RBFOX1: variants seen among roughly 807,000 people sequenced by gnomAD.
RBFOX1 encodes RNA binding protein fox-1 homolog 1.
In RBFOX1, 8 loss-of-function variants were observed where a neutral mutation model predicts 57.7. That is an observed-to-expected ratio of 0.14 (90% CI 0.08 to 0.25). The LOEUF is 0.25. Ranked by LOEUF, RBFOX1 falls within the 10% of genes least tolerant of loss-of-function variation. The pLI, the probability that RBFOX1 is intolerant of heterozygous loss-of-function variation, is 1.00. For missense variants in RBFOX1, 611 were observed against 548.5 expected, an observed-to-expected ratio of 1.11 and a Z score of -1.14; for synonymous variants, 326 against 222.4, an observed-to-expected ratio of 1.47 and a Z score of -4.15.
chr16:6,503,477 A>G (rs1174229724), intron 2 of RBFOX1, among the ~76,000 whole-genome samples: 2 of 152,192 alleles, frequency 1.3e-5, no homozygotes, highest in Non-Finnish European at 2.9e-5. Context: ...GCTCAGCAGG[A>G]CATTTCTTCT....
In RBFOX1 at chr16:6,654,667, C is replaced by G. The variant is rs1351414831; in HGVS notation, c.-16+17C>G. The G allele has an allele frequency of 1.3e-6, 2 of 1,502,194 alleles. No individual in the cohort carries two copies. The highest frequency in any genetic ancestry group is 8.8e-7 in the Non-Finnish European group (1 of 1,133,656). The allele number at this position is 1,502,194 out of a possible 1,614,324, so 93.1% of individuals were successfully genotyped here. ...GACAGAAAGGTGAGTCAATATTTTT[C>G]ATTTTTAGGGTTGCAAACAAAACAA... On this transcript the variant is annotated intron_variant, in intron 3 of 15. Coordinates refer to ENST00000550418, the MANE Select transcript of RBFOX1 (RefSeq NM_018723.4).
At chr16:6,370,111 C>G (rs1356652802) in intron 2 of RBFOX1, among the ~76,000 whole-genome samples, 1 of 152,050 alleles carries the variant, frequency 6.6e-6, no homozygotes, top group African/African-American at 2.4e-5. Flanking sequence ...GTAATCCCAG[C>G]ACTTTGGGAG....
chr16:7,219,451 C>T (rs570092101), intron 4 of RBFOX1, among the ~76,000 whole-genome samples: 13 of 152,288 alleles, frequency 8.5e-5, no homozygotes, highest in African/African-American at 3.1e-4. Flanking sequence ...GAACCGTCGG[C>T]TGCTCCAACC....
At chr16:6,084,201 A>C (rs917367937) in intron 1 of RBFOX1, among the ~76,000 whole-genome samples, 1 of 151,942 alleles carries the variant, frequency 6.6e-6, no homozygotes, top group Admixed American at 6.6e-5. Flanking sequence ...GTGCCCAGAA[A>C]TTTGCAGTAT....
At chr16:5,256,418 G>A (rs972506084) in intron 1 of RBFOX1, among the ~76,000 whole-genome samples, 2 of 152,202 alleles carry the variant, frequency 1.3e-5, no homozygotes, top group African/African-American at 4.8e-5. Context: ...CATGTCCTCT[G>A]TGTGTCTGCA....
At chr16:6,943,888 C>T (rs1004678606) in intron 3 of RBFOX1, among the ~76,000 whole-genome samples, 9 of 152,114 alleles carry the variant, frequency 5.9e-5, no homozygotes, top group African/African-American at 2.2e-4. Context: ...TTCTATACAT[C>T]ACTTCCCTTT....
intron 1 of RBFOX1, among the ~76,000 whole-genome samples, chr16:6,079,780 G>C (rs573273864): frequency 1.3e-5 from 2 of 152,220 alleles, no homozygotes; most frequent in South Asian, 2.1e-4. Flanking sequence ...AGGCTCGTTG[G>C]AGCTGTGATT....
chr16:5,435,308 C>T (rs2067882668), intron 1 of RBFOX1, among the ~76,000 whole-genome samples: 1 of 152,112 alleles, frequency 6.6e-6, no homozygotes, highest in South Asian at 2.1e-4. Context: ...GATCTGTTTC[C>T]CCACCAGACC....
intron 4 of RBFOX1, among the ~76,000 whole-genome samples, chr16:7,262,775 C>T (rs549142839): frequency 6.6e-6 from 1 of 152,366 alleles, no homozygotes; most frequent in African/African-American, 2.4e-5. Context: ...ACTGCAAAGG[C>T]AGTTGTAAGC....
intron 2 of RBFOX1, among the ~76,000 whole-genome samples, chr16:5,532,086 A>G (rs888795452): frequency 2.6e-5 from 4 of 152,308 alleles, no homozygotes; most frequent in Admixed American, 6.5e-5. Context: ...GGCGTGAACC[A>G]CCATGCGTGA....
At chr16:7,390,777 A>G (rs950667463) in intron 4 of RBFOX1, among the ~76,000 whole-genome samples, 1 of 152,146 alleles carries the variant, frequency 6.6e-6, no homozygotes, top group Admixed American at 6.5e-5. Context: ...GAAAGAGACT[A>G]TTTTCTTTCC....
At position 6,782,678 on chromosome 16, in the gene RBFOX1, C is replaced by T. The variant is rs971566076; in HGVS notation, c.-16+128028C>T. 2.0e-5 allele frequency among the ~76,000 whole-genome samples: 3 copies of T among 152,178 alleles called. No homozygotes were observed. In the East Asian group the frequency reaches 5.8e-4, roughly 29 times the overall value. ...TCTACCCTGGAGAATATTTTATGTG[C>T]CCATGAGAAGAATGTGTATTATTCA... On this transcript the variant is annotated intron_variant, in intron 3 of 15. Coordinates refer to ENST00000550418, the MANE Select transcript of RBFOX1 (RefSeq NM_018723.4).
rs111460500 is a variant in RBFOX1 at position 6,928,275 on chromosome 16, C to G, written c.-15-123782C>G. Among the ~76,000 whole-genome samples, 1,207 of 152,240 alleles carry G rather than the reference C, an allele frequency of 7.9e-3. 23 individuals carry two copies. The highest frequency in any genetic ancestry group is 0.028 in the African/African-American group (1,154 of 41,518). On this transcript the variant is annotated intron_variant, in intron 3 of 15. Coordinates refer to ENST00000550418, the MANE Select transcript of RBFOX1 (RefSeq NM_018723.4). The stretch of plus-strand genomic sequence containing the variant: ...CCCTGGGCATCCAGATTTTTAAAAG[C>G]TTACAGCCAAGGTTGTGAACCATCA...
chr16:5,254,698 A>G (rs949010521), intron 1 of RBFOX1, among the ~76,000 whole-genome samples: 2 of 152,272 alleles, frequency 1.3e-5, no homozygotes, highest in African/African-American at 4.8e-5. Context: ...TTTTGTCAAC[A>G]ACAGTTCCAG....
At chr16:7,691,761 C>A (rs1359063609) in intron 14 of RBFOX1, among the ~76,000 whole-genome samples, 1 of 152,132 alleles carries the variant, frequency 6.6e-6, no homozygotes, top group Non-Finnish European at 1.5e-5. Context: ...GGAACACAAG[C>A]TAGCAATCTG....
At chr16:6,928,420 G>C (rs1432204266) in intron 3 of RBFOX1, among the ~76,000 whole-genome samples, 1 of 152,194 alleles carries the variant, frequency 6.6e-6, no homozygotes, top group Admixed American at 6.5e-5. Context: ...GTAGGATAAT[G>C]AAGGGGTGAG....
chr16:6,940,774 G>GTGTGTGTGTGTT (rs1567986808), intron 3 of RBFOX1, among the ~76,000 whole-genome samples: 3 of 93,692 alleles, frequency 3.2e-5, no homozygotes, highest in Non-Finnish European at 6.6e-5. Flanking sequence ...GTGTGTGTGT[G>GTGTGTGTGTGTT]TGTGTGTGTG....
In RBFOX1 at chr16:5,565,627, CATAAATAAATAAATAAATAA is replaced by C. The variant is rs55680549; in HGVS notation, c.259-33250_259-33231del. 1.7e-3 allele frequency among the ~76,000 whole-genome samples: 246 copies of C among 142,836 alleles called. 1 individual carries two copies. The highest frequency in any genetic ancestry group is 5.7e-3 in the African/African-American group (221 of 38,684). 93.7% of individuals were successfully genotyped at this position (142,836 alleles called of 152,430 possible). On this transcript the variant is annotated intron_variant, in intron 2 of 2. Coordinates refer to the RBFOX1 transcript ENST00000585867. ...GCAATAAGAGCGAAACTCTGCCTTACATAAATAAATAAATAAATAAATAAATAAATAAATAAATAAATAAT... is the reference window on the plus strand; with the variant it reads ...GCAATAAGAGCGAAACTCTGCCTTACATAAATAAATAAATAAATAAATAAT...
chr16:6,961,421 A>G (rs1301861879), intron 3 of RBFOX1, among the ~76,000 whole-genome samples: 1 of 152,210 alleles, frequency 6.6e-6, no homozygotes, highest in Non-Finnish European at 1.5e-5. Flanking sequence ...GTGACTTAAA[A>G]CAACAAAGAT....
Sources: allele counts gnomAD v4.1 joint callset (sites outside exome capture counted in the v4.1 genomes callset), GRCh38; gene constraint gnomAD v4.1.1; transcripts MANE v1.5; gene names NCBI Gene and HGNC (gene_info 2026-07-23, HGNC 2026-07-21).